NLRC4: variants seen among roughly 807,000 people sequenced by gnomAD.
NLRC4 encodes the protein NLR family CARD domain containing 4, also known as NLR family CARD domain-containing protein 4.
A neutral mutation model predicts 79.9 loss-of-function variants in NLRC4; 63 were observed. The observed-to-expected ratio is 0.79, with a 90% CI of 0.64 to 0.97. The LOEUF (loss-of-function observed/expected upper bound fraction) is 0.97. NLRC4 is among the 50% of genes least tolerant of loss of function. NLRC4 has a pLI of 0.00. For missense variants in NLRC4, 1,074 were observed against 1,215.2 expected, an observed-to-expected ratio of 0.88 and a Z score of 1.73; for synonymous variants, 461 against 456.5, an observed-to-expected ratio of 1.01 and a Z score of -0.12.
At chr2:32,260,062 C>G (rs1009339662) in intron 1 of NLRC4, among the ~76,000 whole-genome samples, 2 of 151,856 alleles carry the variant, frequency 1.3e-5, no homozygotes, top group African/African-American at 4.8e-5. Flanking sequence ...AACCCTGTCT[C>G]TACTAAAAAT....
chr2:32,239,237 C>CA (rs1350425798), intron 5 of NLRC4, among the ~76,000 whole-genome samples: 1 of 152,110 alleles, frequency 6.6e-6, no homozygotes, highest in Non-Finnish European at 1.5e-5. Flanking sequence ...GCCAACATCT[C>CA]ACCACTGCAC....
At chr2:32,256,535 C>T (rs1466800603) in intron 2 of NLRC4, among the ~76,000 whole-genome samples, 1 of 152,212 alleles carries the variant, frequency 6.6e-6, no homozygotes, top group Non-Finnish European at 1.5e-5. Flanking sequence ...GTGATGAGAA[C>T]TAACAGTTTA....
chr2:32,244,759 C>G (rs1686889486), intron 4 of NLRC4, among the ~76,000 whole-genome samples: 1 of 151,466 alleles, frequency 6.6e-6, no homozygotes, highest in African/African-American at 2.4e-5. Flanking sequence ...GGGAGGATCA[C>G]TTGAGCCCAG....
intron 5 of NLRC4, among the ~76,000 whole-genome samples, chr2:32,240,061 A>G (rs140868229): frequency 1.8e-3 from 278 of 152,086 alleles, no homozygotes; most frequent in African/African-American, 6.3e-3. Context: ...GCTCACTACA[A>G]CCTCCTCCTC....
rs969581599 is a variant in NLRC4, at chr2:32,229,611, A to G, written c.2783-4846T>C. On this transcript the variant is annotated intron_variant, in intron 8 of 8. Coordinates refer to ENST00000402280, the MANE Select transcript of NLRC4 (RefSeq NM_001199138.2). ...TGGCAAAGCTTGGAGATCAAATGCA[A>G]TCTCTGAGGAAGAACAGCAGATAGT... Among the ~76,000 whole-genome samples, 5 of 152,230 alleles carry G rather than the reference A, an allele frequency of 3.3e-5. No individual in the cohort carries two copies. In the East Asian group the frequency reaches 5.8e-4, roughly 18 times the overall value.
intron 8 of NLRC4, among the ~76,000 whole-genome samples, chr2:32,232,234 C>G (rs1334923843): frequency 6.6e-6 from 1 of 152,176 alleles, no homozygotes; most frequent in Non-Finnish European, 1.5e-5. Context: ...TGTAAAGTTA[C>G]TCTTTTTTGC....
At chr2:32,233,139 A>G (rs1381896205) in intron 8 of NLRC4, among the ~76,000 whole-genome samples, 1 of 4,152 alleles carries the variant, frequency 2.4e-4, no homozygotes, top group East Asian at 4.3e-3. Context: ...GGAGGGAGGA[A>G]GGAAGGAAGG....
intron 8 of NLRC4, among the ~76,000 whole-genome samples, chr2:32,233,361 T>A (rs1686599740): frequency 3.8e-5 from 5 of 130,742 alleles, no homozygotes; most frequent in African/African-American, 1.2e-4. Flanking sequence ...TTTTTTTTTT[T>A]TTTTTTTAAT....
At position 32,251,469 on chromosome 2, in the gene NLRC4, CT is replaced by C; in HGVS notation, c.394del (p.Ser132AlafsTer21). 6.2e-7 allele frequency: 1 copy of C among 1,614,076 alleles called. No homozygotes were observed. The highest frequency in any genetic ancestry group is 8.5e-7 in the Non-Finnish European group (1 of 1,180,016). On this transcript the variant is annotated frameshift_variant, in exon 4 of 9. Coordinates refer to ENST00000402280, the MANE Select transcript of NLRC4 (RefSeq NM_001199138.2). LOFTEE classifies it high-confidence loss of function. The stretch of plus-strand genomic sequence containing the variant: ...CCACAGGACAGGTTCTGTGAAGGTG[CT>C]TTTCAAGTTAAAAATAATGTCAATA... ...EDIDIIFNLKSTFTEPVLWRK... is the reference protein window; with the variant it reads ...EDIDIIFNLKXTFTEPVLWRK...
At chr2:32,240,937 C>T in intron 5 of NLRC4, 96 bp downstream of exon 5, 1 of 739,928 alleles carries the variant, frequency 1.4e-6, no homozygotes, top group Non-Finnish European at 2.3e-6. Flanking sequence ...TAAAAACATC[C>T]TTGCCTTGTG....
At chr2:32,234,375 C>CGA (rs770970840) in intron 8 of NLRC4, among the ~76,000 whole-genome samples, 1 of 151,548 alleles carries the variant, frequency 6.6e-6, no homozygotes, top group Non-Finnish European at 1.5e-5. Context: ...GAGCAAGACT[C>CGA]TGTCTAAAAA....
intron 8 of NLRC4, among the ~76,000 whole-genome samples, chr2:32,233,363 T>A (rs1686599859): frequency 4.0e-5 from 5 of 125,948 alleles, no homozygotes; most frequent in African/African-American, 1.3e-4. Context: ...TTTTTTTTTT[T>A]TTTTTAATTG....
chr2:32,260,183 C>T (rs919996037), intron 1 of NLRC4, among the ~76,000 whole-genome samples: 6 of 125,132 alleles, frequency 4.8e-5, no homozygotes, highest in South Asian at 2.6e-4. Context: ...GAGCCAAGAT[C>T]GTGCCACCAC....
At chr2:32,229,140 G>C (rs891156519) in intron 8 of NLRC4, among the ~76,000 whole-genome samples, 1 of 151,902 alleles carries the variant, frequency 6.6e-6, no homozygotes, top group African/African-American at 2.4e-5. Context: ...GTTAGAGCAG[G>C]TGAAATTGGT....
At position 32,249,880 on chromosome 2, in the gene NLRC4, G is replaced by C; in HGVS notation, c.1984C>G (p.Leu662Val). The C allele has an allele frequency of 6.2e-7, 1 of 1,614,200 alleles. No homozygotes were observed. The highest frequency in any genetic ancestry group is 8.5e-7 in the Non-Finnish European group (1 of 1,180,038). The part of the protein sequence containing the change: ...FFNWKQEFRT[L>V]EVTLRDFSKL... ...CTGAAATCCCGGAGTGTGACCTCCAGAGTCCTGAATTCCTGCTTCCAGTTG... is the reference window on the plus strand; with the variant it reads ...CTGAAATCCCGGAGTGTGACCTCCACAGTCCTGAATTCCTGCTTCCAGTTG... Residue 662 changes from leucine to valine, a missense_variant, in exon 4 of 9, where the codon CTG (leucine) becomes GTG (valine). Physicochemically the swap from Leu to Val is conservative, Grantham distance 32. Transcript: ENST00000402280.
rs1416370111 is a variant in NLRC4 at position 32,250,453 on chromosome 2, T to TCC, written c.1409_1410dup (p.Asn471GlyfsTer37). ...GAAACCATTTTCTGCAAGTAACCATTCCCCTTGGTCACCTCCTCTGGCTCA... is the reference window on the plus strand; with the variant it reads ...GAAACCATTTTCTGCAAGTAACCATTCCCCCCTTGGTCACCTCCTCTGGCTCA... On this transcript the variant is annotated frameshift_variant, in exon 4 of 9. Transcript: ENST00000402280. LOFTEE classifies it high-confidence loss of function. The surrounding 1 kb of genome is among the most constrained non-coding windows in gnomAD (Gnocchi z 4.9). The TCC allele has an allele frequency of 2.5e-6, 4 of 1,614,190 alleles. No individual in the cohort carries two copies. Among genetic ancestry groups the TCC allele is most frequent in the Non-Finnish European group, 3.4e-6 (4 of 1,180,036 alleles).
intron 8 of NLRC4, among the ~76,000 whole-genome samples, chr2:32,228,439 C>G (rs902221543): frequency 3.3e-5 from 5 of 152,258 alleles, no homozygotes; most frequent in African/African-American, 1.2e-4. Flanking sequence ...AACTCCCTAT[C>G]AACTTGTGTC....
At chr2:32,242,278 A>G (rs1431964602) in intron 4 of NLRC4, among the ~76,000 whole-genome samples, 1 of 152,232 alleles carries the variant, frequency 6.6e-6, no homozygotes, top group African/African-American at 2.4e-5. Context: ...ACCAAGACTG[A>G]CAAAGAAAAA....
At position 32,243,079 on chromosome 2, in the gene NLRC4, GAGAA is replaced by G. The variant is rs531953824; in HGVS notation, c.2258-1958_2258-1955del. 6.0e-5 allele frequency among the ~76,000 whole-genome samples: 9 copies of G among 150,874 alleles called. No individual in the cohort carries two copies. The South Asian group carries it at 1.1e-3, about 18-fold the overall frequency. ...AAGAAAGAGAGAGAGAGAGAGAATAGAGAAAGAAAGGAGGGAGGGAAGGACGGAA... is the reference window on the plus strand; with the variant it reads ...AAGAAAGAGAGAGAGAGAGAGAATAGAGAAAGGAGGGAGGGAAGGACGGAA... On this transcript the variant is annotated intron_variant, in intron 4 of 8. Transcript: ENST00000402280.
Sources: allele counts gnomAD v4.1 joint callset (sites outside exome capture counted in the v4.1 genomes callset), GRCh38; gene constraint gnomAD v4.1.1; non-coding constraint Gnocchi (gnomAD v3.1); transcripts MANE v1.5; gene names NCBI Gene and HGNC (gene_info 2026-07-23, HGNC 2026-07-21).